SENP2: variants seen among roughly 807,000 people sequenced by gnomAD.
SENP2 encodes the protein SUMO specific peptidase 2.
In SENP2, 16 loss-of-function variants were observed where a neutral mutation model predicts 86.3. That is an observed-to-expected ratio of 0.19 (90% CI 0.13 to 0.28). SENP2 has a LOEUF of 0.28. Ranked by LOEUF, SENP2 falls within the 10% of genes least tolerant of loss-of-function variation. SENP2 has a pLI of 1.00. For synonymous variants in SENP2, 222 were observed against 238.7 expected (o/e 0.93, Z 0.64); for missense variants, 552 against 703.0 (o/e 0.79, Z 2.43).
intron 13 of SENP2, among the ~76,000 whole-genome samples, chr3:185,620,555 G>A (rs187813411): frequency 7.5e-4 from 114 of 152,086 alleles, no homozygotes; most frequent in Admixed American, 2.3e-3. Context: ...CAATTCTCCT[G>A]CATCAGCCTC....
intron 13 of SENP2, 130 bp downstream of exon 13, chr3:185,619,632 C>T (rs984598034): frequency 1.3e-5 from 7 of 522,250 alleles, no homozygotes; most frequent in African/African-American, 3.9e-5. Flanking sequence ...TGCAGAGTCT[C>T]TTTTTAGTTT....
chr3:185,597,504 C>T (rs1287960619), intron 2 of SENP2, among the ~76,000 whole-genome samples: 1 of 151,792 alleles, frequency 6.6e-6, no homozygotes, highest in East Asian at 1.9e-4. Context: ...AGTCGTGCAC[C>T]ACCATGCCCA....
rs1000039846 is a variant in SENP2, at chr3:185,621,719, T to G, written c.1447-107T>G. ...TGGATTTCTAAGATACATAAAAAATTTATATTGGTACATGTATTTTTTAAA... is the reference window on the plus strand; with the variant it reads ...TGGATTTCTAAGATACATAAAAAATGTATATTGGTACATGTATTTTTTAAA... On this transcript the variant is annotated intron_variant, in intron 13 of 16. Transcript: ENST00000296257. The G allele has an allele frequency of 3.3e-5, 21 of 630,702 alleles. No individual in the cohort carries two copies. The African/African-American group carries it at 3.9e-4, about 12-fold the overall frequency. The allele number at this position is 630,702 out of a possible 1,614,324, so 39.1% of individuals were successfully genotyped here.
At chr3:185,626,892 A>G (rs1371797161) in intron 16 of SENP2, among the ~76,000 whole-genome samples, 1 of 151,800 alleles carries the variant, frequency 6.6e-6, no homozygotes, top group East Asian at 1.9e-4. Context: ...CCTGACCAAC[A>G]TGGAGAAACC....
chr3:185,599,600 G>A (rs993903805), intron 4 of SENP2, among the ~76,000 whole-genome samples: 1 of 152,060 alleles, frequency 6.6e-6, no homozygotes, highest in Non-Finnish European at 1.5e-5. Context: ...AAAGTTGGGG[G>A]GGAAGGAAGT....
At chr3:185,598,386 A>G in intron 2 of SENP2, 26 bp from the exon 3 acceptor site, 1 of 1,607,854 alleles carries the variant, frequency 6.2e-7, no homozygotes, top group South Asian at 1.1e-5. Flanking sequence ...ATTACTTTAT[A>G]TTTACAGTTT....
intron 13 of SENP2, among the ~76,000 whole-genome samples, 191 bp from the exon 14 acceptor site, chr3:185,621,635 G>A (rs895878889): frequency 5.3e-5 from 8 of 151,890 alleles, no homozygotes; most frequent in East Asian, 1.9e-4. Context: ...TGATCCGCCC[G>A]CCTCAGCCTC....
chr3:185,626,433 G>A, intron 16 of SENP2, 40 bp downstream of exon 16: 1 of 1,380,012 alleles, frequency 7.2e-7, no homozygotes, highest in Non-Finnish European at 1.0e-6. Context: ...TTGTTACTAA[G>A]CAAGATAAGG....
Position 185,629,886 on chromosome 3 carries a change from A to G in SENP2, c.*42A>G. 1 of 1,593,270 alleles carries G rather than the reference A, an allele frequency of 6.3e-7. No homozygotes were observed. The highest frequency in any genetic ancestry group is 8.6e-7 in the Non-Finnish European group (1 of 1,161,316). On this transcript the variant is annotated 3_prime_UTR_variant, in exon 17 of 17. Transcript: ENST00000296257. ...CCCTCTAGCTGCTGGTGGTTCTTTC[A>G]CAGACATTTCCATATACCTCATGCA...
intron 2 of SENP2, among the ~76,000 whole-genome samples, chr3:185,594,689 G>A (rs1234910501): frequency 2.0e-5 from 3 of 150,572 alleles, no homozygotes; most frequent in East Asian, 3.9e-4. Context: ...GCACAATCTC[G>A]GTTCACTGCA....
chr3:185,627,134 C>CT (rs1712188585), intron 16 of SENP2, among the ~76,000 whole-genome samples: 1 of 148,102 alleles, frequency 6.8e-6, no homozygotes, highest in African/African-American at 2.5e-5. Flanking sequence ...ATTCTTATTG[C>CT]TGTAAATCTT....
At chr3:185,621,426 A>G (rs1297980723) in intron 13 of SENP2, among the ~76,000 whole-genome samples, 3 of 113,064 alleles carry the variant, frequency 2.7e-5, no homozygotes, top group African/African-American at 3.6e-5. Context: ...GAGTCTCGCT[A>G]TCACCCAGGC....
At chr3:185,626,251 A>G (rs2148996126) in intron 15 of SENP2, 47 bp from the exon 16 acceptor site, 1 of 1,209,172 alleles carries the variant, frequency 8.3e-7, no homozygotes, top group East Asian at 2.3e-5. Context: ...ATTTGTATTT[A>G]ATGATGTTTT....
chr3:185,619,216 G>C, intron 12 of SENP2, 83 bp from the exon 13 acceptor site: 1 of 1,026,308 alleles, frequency 9.7e-7, no homozygotes, highest in Non-Finnish European at 1.5e-6. Context: ...CCTTACCTTC[G>C]AATTCATCCT....
In SENP2 at chr3:185,631,057, T is replaced by TA. The variant is rs1712434289; in HGVS notation, c.*1213_*1214insA. On this transcript the variant is annotated 3_prime_UTR_variant, in exon 17 of 17. Transcript: ENST00000296257. ...TTTTGCAAGATCTAGTGCCTAGTGT[T>TA]GCTTTTCTGATGTAATAAAAGGTGG... 1 of 152,220 alleles carries TA rather than the reference T, an allele frequency of 6.6e-6. No homozygotes were observed. The highest frequency in any genetic ancestry group is 2.4e-5 in the African/African-American group (1 of 41,452). 9.4% of individuals were successfully genotyped at this position (152,220 alleles called of 1,614,324 possible).
intron 2 of SENP2, among the ~76,000 whole-genome samples, chr3:185,594,165 TA>T (rs1342038449): frequency 6.2e-4 from 91 of 147,590 alleles, no homozygotes; most frequent in Admixed American, 6.8e-4. Context: ...TGGATGTGGT[TA>T]AAAAAAAAAA....
chr3:185,615,237 G>A (rs955752330), intron 11 of SENP2, among the ~76,000 whole-genome samples: 1 of 152,144 alleles, frequency 6.6e-6, no homozygotes, highest in Admixed American at 6.6e-5. Flanking sequence ...TGCCCTAGTA[G>A]GCAAATCTCT....
intron 13 of SENP2, 75 bp downstream of exon 13, chr3:185,619,577 C>T (rs1451588170): frequency 2.4e-6 from 3 of 1,233,962 alleles, no homozygotes; most frequent in Non-Finnish European, 3.5e-6. Context: ...CTGCCTTTTT[C>T]TGCCCTGTGT....
At chr3:185,603,670 A>AT (rs751350157) in intron 5 of SENP2, among the ~76,000 whole-genome samples, 17 of 152,192 alleles carry the variant, frequency 1.1e-4, no homozygotes, top group Non-Finnish European at 2.1e-4. Context: ...TTTGGTGATT[A>AT]TATTGTGGTT....
Sources: allele counts gnomAD v4.1 joint callset (sites outside exome capture counted in the v4.1 genomes callset), GRCh38; gene constraint gnomAD v4.1.1; transcripts MANE v1.5; gene names NCBI Gene and HGNC (gene_info 2026-07-23, HGNC 2026-07-21).